Variants in EEPD1 observed in about 807,000 individuals in gnomAD.
The protein encoded by EEPD1 is endonuclease/exonuclease/phosphatase family domain containing 1.
EEPD1 carries 17 observed loss-of-function variants against 46.3 expected under a neutral mutation model. That is an observed-to-expected ratio of 0.37 (90% CI 0.25 to 0.55). The LOEUF (loss-of-function observed/expected upper bound fraction) is 0.55, where lower values mean the gene tolerates loss of function less well. Ranked by LOEUF, EEPD1 falls within the 20% of genes least tolerant of loss-of-function variation. EEPD1 has a pLI of 0.83. For missense variants in EEPD1, 673 were observed against 745.6 expected, an observed-to-expected ratio of 0.90 and a Z score of 1.13; for synonymous variants, 313 against 315.6, an observed-to-expected ratio of 0.99 and a Z score of 0.09.
Position 36,217,032 on chromosome 7 carries a change from A to G in EEPD1, c.879-21953A>G, listed in dbSNP as rs139238629. Among the ~76,000 whole-genome samples the G allele has an allele frequency of 3.6e-3, 542 of 152,390 alleles. 4 individuals carry two copies. The highest frequency in any genetic ancestry group is 0.012 in the African/African-American group (509 of 41,590). On this transcript the variant is annotated intron_variant, in intron 2 of 7. Transcript: ENST00000242108. ...GCTTTTGTTAGTGGAAAGGGGTCCCAATCCAGACCCCAAGAGTGAGTTCTT... is the reference window on the plus strand; with the variant it reads ...GCTTTTGTTAGTGGAAAGGGGTCCCGATCCAGACCCCAAGAGTGAGTTCTT...
chr7:36,181,288 CGGAG>C (rs1487306858), intron 2 of EEPD1, among the ~76,000 whole-genome samples: 1 of 151,942 alleles, frequency 6.6e-6, no homozygotes, highest in East Asian at 1.9e-4. Context: ...CTTTCACACT[CGGAG>C]GGCTGTGGCT....
At chr7:36,238,792 T>G (rs1352114378) in intron 2 of EEPD1, among the ~76,000 whole-genome samples, 193 bp from the exon 3 acceptor site, 1 of 152,234 alleles carries the variant, frequency 6.6e-6, no homozygotes, top group Non-Finnish European at 1.5e-5. Flanking sequence ...TAAAAATTAC[T>G]TTTAAATTTA....
chr7:36,258,885 G>GAAAAA, intron 3 of EEPD1, among the ~76,000 whole-genome samples: 1 of 115,112 alleles, frequency 8.7e-6, no homozygotes. Flanking sequence ...ACTGGGGTAT[G>GAAAAA]AAAAAAAAAA....
chr7:36,268,732 TAAC>T (rs1190874640), intron 3 of EEPD1, among the ~76,000 whole-genome samples: 1 of 152,176 alleles, frequency 6.6e-6, no homozygotes, highest in Non-Finnish European at 1.5e-5. Context: ...CCAGTGTGTC[TAAC>T]AACCAGGAGA....
intron 7 of EEPD1, 142 bp from the exon 8 acceptor site, chr7:36,298,865 G>T: frequency 1.1e-6 from 1 of 873,884 alleles, no homozygotes; most frequent in South Asian, 1.6e-5. Context: ...AAATGCACAG[G>T]CACCTTCCAG....
At chr7:36,166,477 T>C (rs1784981686) in intron 2 of EEPD1, among the ~76,000 whole-genome samples, 1 of 152,084 alleles carries the variant, frequency 6.6e-6, no homozygotes, top group African/African-American at 2.4e-5. Flanking sequence ...TCCCAGCACT[T>C]TGGGAGGTCT....
intron 2 of EEPD1, among the ~76,000 whole-genome samples, chr7:36,220,652 C>G (rs746630835): frequency 7.9e-5 from 12 of 152,178 alleles, no homozygotes; most frequent in Non-Finnish European, 1.5e-4. Context: ...GGCATCGACT[C>G]CATCTCATAT....
At position 36,193,308 on chromosome 7, in the gene EEPD1, G is replaced by A. The variant is rs2115683010; in HGVS notation, c.878+38106G>A. Among the ~76,000 whole-genome samples the A allele has an allele frequency of 6.6e-6, 1 of 152,314 alleles. No homozygotes were observed. Among genetic ancestry groups the A allele is most frequent in the African/African-American group, 2.4e-5 (1 of 41,574 alleles). ...GGCCCAGAGAGCAGAGTTCCCGAGA[G>A]GGAGAGTGTGCAGAAGCCTGGAGCC... On this transcript the variant is annotated intron_variant, in intron 2 of 7. Coordinates refer to ENST00000242108, the MANE Select transcript of EEPD1 (RefSeq NM_030636.3). This position sits in a 1 kb window ranked among gnomAD's most constrained non-coding sequence, Gnocchi z 4.9.
intron 2 of EEPD1, among the ~76,000 whole-genome samples, chr7:36,221,698 A>T (rs1008641004): frequency 2.0e-5 from 3 of 152,236 alleles, no homozygotes; most frequent in Non-Finnish European, 4.4e-5. Context: ...AGTTCTAAAA[A>T]AGGTAAGAAT....
At chr7:36,165,187 A>G (rs1018843465) in intron 2 of EEPD1, among the ~76,000 whole-genome samples, 3 of 152,170 alleles carry the variant, frequency 2.0e-5, no homozygotes, top group African/African-American at 7.2e-5. Context: ...AGATCCATTC[A>G]TGGCAAGTGC....
intron 3 of EEPD1, 91 bp downstream of exon 3, chr7:36,239,127 C>T: frequency 7.9e-7 from 1 of 1,266,226 alleles, no homozygotes; most frequent in Admixed American, 2.1e-5. Context: ...CAGAGACAGC[C>T]CCTACTGAAA....
chr7:36,157,802 A>G (rs1185971418), intron 2 of EEPD1, among the ~76,000 whole-genome samples: 2 of 152,166 alleles, frequency 1.3e-5, no homozygotes, highest in Non-Finnish European at 1.5e-5. Flanking sequence ...TGACTGTCCT[A>G]GGGTATCAAA....
chr7:36,229,533 A>T (rs1249747772), intron 2 of EEPD1, among the ~76,000 whole-genome samples: 2 of 152,128 alleles, frequency 1.3e-5, no homozygotes, highest in Non-Finnish European at 2.9e-5. Context: ...GTGAGAAGCC[A>T]CCCAACATGT....
chr7:36,203,696 T>C (rs1785759681), intron 2 of EEPD1, among the ~76,000 whole-genome samples: 1 of 152,216 alleles, frequency 6.6e-6, no homozygotes, highest in South Asian at 2.1e-4. Context: ...TAATGAAAAT[T>C]AGGCAGTGGG....
intron 2 of EEPD1, among the ~76,000 whole-genome samples, chr7:36,198,342 G>GAAAAAAAAAAAAAAAAAAAAAAAAAAAA (rs1361024411): frequency 6.0e-5 from 2 of 33,094 alleles, no homozygotes; most frequent in East Asian, 1.4e-3. Context: ...AAAAAGAAAA[G>GAAAAAAAAAAAAAAAAAAAAAAAAAAAA]AAAAAAAAAA....
At chr7:36,279,995 A>G (rs1787235629) in intron 3 of EEPD1, among the ~76,000 whole-genome samples, 1 of 152,182 alleles carries the variant, frequency 6.6e-6, no homozygotes, top group African/African-American at 2.4e-5. Context: ...GAGAACAGAA[A>G]GGAAGCACCC....
chr7:36,213,079 C>G (rs545696608), intron 2 of EEPD1, among the ~76,000 whole-genome samples: 2 of 152,116 alleles, frequency 1.3e-5, no homozygotes, highest in Non-Finnish European at 2.9e-5. Flanking sequence ...CTTGTACCTG[C>G]GAGGCGGAGG....
intron 2 of EEPD1, among the ~76,000 whole-genome samples, chr7:36,224,944 G>A (rs1786208962): frequency 6.6e-6 from 1 of 152,060 alleles, no homozygotes; most frequent in African/African-American, 2.4e-5. Context: ...GTCCTTGTAA[G>A]AGACAGGAAG....
intron 2 of EEPD1, among the ~76,000 whole-genome samples, chr7:36,172,616 A>AGTT (rs1785104251): frequency 1.0e-5 from 1 of 99,248 alleles, no homozygotes; most frequent in African/African-American, 3.9e-5. Flanking sequence ...AAATATTATG[A>AGTT]GTTTTTTTTT....
Sources: allele counts gnomAD v4.1 joint callset (sites outside exome capture counted in the v4.1 genomes callset), GRCh38; gene constraint gnomAD v4.1.1; non-coding constraint Gnocchi (gnomAD v3.1); transcripts MANE v1.5; gene names NCBI Gene and HGNC (gene_info 2026-07-23, HGNC 2026-07-21).